The following CLCN5 variants were observed in gnomAD, a reference collection of about 807,000 sequenced individuals.
CLCN5 encodes H(+)/Cl(-) exchange transporter 5.
A neutral mutation model predicts 54.0 loss-of-function variants in CLCN5; 17 were observed. The ratio of observed to expected loss-of-function variants is 0.31; its 90% CI spans 0.22 to 0.47. CLCN5 has a LOEUF of 0.47. Among genes scored for constraint, CLCN5 ranks in the 20% least tolerant of loss-of-function variants. The pLI is 1.00. For synonymous variants in CLCN5, 222 were observed against 233.0 expected (o/e 0.95, Z 0.43); for missense variants, 448 against 646.7 (o/e 0.69, Z 3.33).
intron 3 of CLCN5, among the ~76,000 whole-genome samples, chrX:49,972,260 A>T (rs1928260752): frequency 1.8e-5 from 2 of 110,129 alleles, no homozygotes; most frequent in South Asian, 7.9e-4. Flanking sequence ...ACATTCTCTT[A>T]CACAACTATA....
Position 49,996,547 on chromosome X carries a change from C to T in CLCN5, c.17-45769C>T, listed in dbSNP as rs1398724657. The stretch of plus-strand genomic sequence containing the variant: ...TATGCGTTACTGTCTTCACAGTCTT[C>T]ATGTCCATCTGGACTTGTTATCTTC... On this transcript the variant is annotated intron_variant, in intron 3 of 14. Transcript: ENST00000376091. Among the ~76,000 whole-genome samples, 4 of 112,647 alleles carry T rather than the reference C, an allele frequency of 3.6e-5. No individual in the cohort carries two copies. The Admixed American group carries it at 3.7e-4, about 11-fold the overall frequency.
intron 3 of CLCN5, among the ~76,000 whole-genome samples, chrX:50,026,012 A>C (rs1184637249): frequency 8.9e-6 from 1 of 112,163 alleles, no homozygotes; most frequent in Non-Finnish European, 1.9e-5. Flanking sequence ...TAATATATGC[A>C]TTCAATACTA....
chrX:49,964,095 C>T (rs1342415577), intron 3 of CLCN5, among the ~76,000 whole-genome samples: 2 of 112,060 alleles, frequency 1.8e-5, no homozygotes, highest in Non-Finnish European at 3.8e-5. Context: ...AAATGTCAAA[C>T]GATGTCGAGA....
At chrX:50,091,792 C>T (rs2147610143) in intron 14 of CLCN5, among the ~76,000 whole-genome samples, 1 of 112,332 alleles carries the variant, frequency 8.9e-6, no homozygotes, top group Admixed American at 9.4e-5. Flanking sequence ...GGGCAGAGTT[C>T]CTGCTGGCTC....
intron 3 of CLCN5, among the ~76,000 whole-genome samples, chrX:50,025,344 C>G (rs1013225521): frequency 1.6e-4 from 13 of 81,504 alleles, no homozygotes; most frequent in Non-Finnish European, 3.1e-4. Flanking sequence ...GGCTCGCGCA[C>G]GGTGCGCGCA....
At chrX:49,947,283 A>G (rs1342626153) in intron 3 of CLCN5, among the ~76,000 whole-genome samples, 1 of 111,321 alleles carries the variant, frequency 9.0e-6, no homozygotes, top group Non-Finnish European at 1.9e-5. Flanking sequence ...GAAGTCATTC[A>G]TTGTGTGGGG....
chrX:49,997,914 A>C (rs1472148292), intron 3 of CLCN5, among the ~76,000 whole-genome samples: 2 of 111,341 alleles, frequency 1.8e-5, no homozygotes, highest in African/African-American at 6.5e-5. Flanking sequence ...TTGAACATAA[A>C]GTCTGGAACT....
At chrX:49,945,610 T>C (rs1185164506) in intron 3 of CLCN5, among the ~76,000 whole-genome samples, 19 of 100,784 alleles carry the variant, frequency 1.9e-4, no homozygotes, top group African/African-American at 6.9e-4. Flanking sequence ...GCTAGTTTTT[T>C]TTTTTTTTTT....
chrX:50,047,877 A>G (rs1557187927), intron 4 of CLCN5, among the ~76,000 whole-genome samples: 2 of 112,137 alleles, frequency 1.8e-5, no homozygotes, highest in African/African-American at 6.5e-5. Context: ...TAAGGAGCAC[A>G]TACTATCAAT....
At chrX:49,946,882 G>A (rs930635483) in intron 3 of CLCN5, among the ~76,000 whole-genome samples, 8 of 110,374 alleles carry the variant, frequency 7.2e-5, no homozygotes, top group African/African-American at 2.6e-4. Context: ...AGGCTGGAGT[G>A]CAATGGCGTG....
Position 50,098,480 on chromosome X carries a change from A to G in CLCN5, c.*6261A>G, listed in dbSNP as rs1205772650. 8.8e-6 allele frequency: 1 copy of G among 113,022 alleles called. No homozygotes were observed. Among genetic ancestry groups the G allele is most frequent in the African/African-American group, 3.2e-5 (1 of 31,014 alleles). 9.3% of individuals were successfully genotyped at this position (113,022 alleles called of 1,213,427 possible). ...GCTGGGTTCCGGCCCATGGGCCACTATTTGAATTTCTCTGTAGTAAGCTCT... is the reference window on the plus strand; with the variant it reads ...GCTGGGTTCCGGCCCATGGGCCACTGTTTGAATTTCTCTGTAGTAAGCTCT... On this transcript the variant is annotated 3_prime_UTR_variant, in exon 15 of 15. Transcript: ENST00000376091.
intron 13 of CLCN5, 75 bp downstream of exon 13, chrX:50,090,589 G>A (rs1934058943): frequency 2.6e-6 from 3 of 1,154,572 alleles, no homozygotes; most frequent in East Asian, 3.1e-5. Context: ...GGGAAGACAG[G>A]GAAGGGGGGA....
At position 50,097,570 on chromosome X, in the gene CLCN5, A is replaced by ATCTCTGCCTCTCTTC. The variant is rs1334665613; in HGVS notation, c.*5362_*5376dup. On this transcript the variant is annotated 3_prime_UTR_variant, in exon 15 of 15. Coordinates refer to ENST00000376091, the MANE Select transcript of CLCN5 (RefSeq NM_001127898.4). ...ATATGAGAGTTTAAAAAAAAAAAAG[A>ATCTCTGCCTCTCTTC]TCTCTGCCTCTCTTCTCTCTGCCTC... 2 of 110,649 alleles carry ATCTCTGCCTCTCTTC rather than the reference A, an allele frequency of 1.8e-5. No individual in the cohort carries two copies. The highest frequency in any genetic ancestry group is 9.6e-5 in the Admixed American group (1 of 10,403). 9.1% of individuals were successfully genotyped at this position (110,649 alleles called of 1,213,427 possible).
chrX:49,941,415 T>G (rs1384647385), intron 3 of CLCN5, among the ~76,000 whole-genome samples: 1 of 111,678 alleles, frequency 9.0e-6, no homozygotes, highest in African/African-American at 3.3e-5. Context: ...TACTTTATTA[T>G]GGAATGAGAA....
intron 10 of CLCN5, 106 bp from the exon 11 acceptor site, chrX:50,086,222 G>A (rs1236123081): frequency 6.3e-6 from 6 of 952,884 alleles, no homozygotes; most frequent in South Asian, 4.1e-5. Context: ...AAATCCAGTC[G>A]GCAGTTTTCA....
At chrX:50,000,525 G>A (rs782260648) in intron 3 of CLCN5, among the ~76,000 whole-genome samples, 47 of 111,149 alleles carry the variant, frequency 4.2e-4, no homozygotes, top group African/African-American at 1.5e-3. Flanking sequence ...TCTCACATGT[G>A]TGTGCCAAGG....
Position 50,096,788 on chromosome X carries a change from G to T in CLCN5, c.*4569G>T, listed in dbSNP as rs1177601757. On this transcript the variant is annotated 3_prime_UTR_variant, in exon 15 of 15. Coordinates refer to ENST00000376091, the MANE Select transcript of CLCN5 (RefSeq NM_001127898.4). The stretch of plus-strand genomic sequence containing the variant: ...ACATATGTTCTGGCATTTATAAACT[G>T]CTTGATTGTGTGCCTCAAGGGGAGA... The T allele has an allele frequency of 5.3e-5, 6 of 112,513 alleles. No homozygotes were observed. The highest frequency in any genetic ancestry group is 1.1e-4 in the Non-Finnish European group (6 of 53,225). 9.3% of individuals were successfully genotyped at this position (112,513 alleles called of 1,213,427 possible).
intron 4 of CLCN5, among the ~76,000 whole-genome samples, chrX:50,056,389 G>C (rs906657311): frequency 1.8e-5 from 2 of 111,372 alleles, no homozygotes; most frequent in Non-Finnish European, 3.8e-5. Context: ...CCATTCTCTT[G>C]TCAGTCCCAT....
intron 3 of CLCN5, among the ~76,000 whole-genome samples, chrX:49,991,480 T>A (rs1929259513): frequency 8.9e-6 from 1 of 112,113 alleles, no homozygotes; most frequent in South Asian, 3.7e-4. Flanking sequence ...TAGTGAAAAT[T>A]TTCTCCCATT....
Sources: gnomAD v4.1 joint callset for allele counts (sites outside exome capture counted in the v4.1 genomes callset) on GRCh38, gnomAD v4.1.1 for gene constraint, MANE v1.5 for transcripts, NCBI Gene and HGNC (gene_info 2026-07-23, HGNC 2026-07-21) for gene names.